CADM2: variants seen among roughly 807,000 people sequenced by gnomAD.
CADM2 encodes the protein cell adhesion molecule 2.
In CADM2, 12 loss-of-function variants were observed where a neutral mutation model predicts 49.8. That is an observed-to-expected ratio of 0.24 (90% CI 0.15 to 0.39). The LOEUF (loss-of-function observed/expected upper bound fraction) is 0.39. Ranked by LOEUF, CADM2 falls within the 10% of genes least tolerant of loss-of-function variation. The pLI, the probability that CADM2 is intolerant of heterozygous loss-of-function variation, is 1.00. For missense variants in CADM2, 378 were observed against 492.3 expected (o/e 0.77, Z 2.20); for synonymous variants, 214 against 175.4 (o/e 1.22, Z -1.74).
intron 1 of CADM2, among the ~76,000 whole-genome samples, chr3:85,542,901 A>G (rs1055081502): frequency 3.3e-5 from 5 of 152,232 alleles, no homozygotes; most frequent in African/African-American, 1.2e-4. Context: ...AAATCATTCA[A>G]CTATTTAAGA....
intron 1 of CADM2, among the ~76,000 whole-genome samples, chr3:85,122,145 T>A (rs2038886522): frequency 6.6e-6 from 1 of 152,140 alleles, no homozygotes; most frequent in South Asian, 2.1e-4. Context: ...CTACTGTTTT[T>A]CATTCCCAAG....
chr3:85,556,465 G>A (rs987868747), intron 1 of CADM2, among the ~76,000 whole-genome samples: 4 of 152,044 alleles, frequency 2.6e-5, no homozygotes, highest in South Asian at 4.1e-4. Flanking sequence ...AAACTACACT[G>A]TAATCTTCAA....
intron 3 of CADM2, among the ~76,000 whole-genome samples, chr3:85,828,472 A>G (rs1559686403): frequency 6.6e-6 from 1 of 151,984 alleles, no homozygotes; most frequent in East Asian, 1.9e-4. Flanking sequence ...TATAATTTTC[A>G]ATGACACATA....
intron 1 of CADM2, among the ~76,000 whole-genome samples, chr3:85,589,527 T>C (rs2063045883): frequency 6.6e-6 from 1 of 152,008 alleles, no homozygotes; most frequent in Admixed American, 6.6e-5. Context: ...TTCATTAGTA[T>C]CCTGTAGGCT....
intron 1 of CADM2, among the ~76,000 whole-genome samples, chr3:85,640,956 A>G (rs1227163914): frequency 2.6e-5 from 4 of 152,144 alleles, no homozygotes; most frequent in East Asian, 1.9e-4. Context: ...TCTATACCTT[A>G]TTATGCTCAC....
At chr3:85,602,674 C>T (rs1390829871) in intron 1 of CADM2, among the ~76,000 whole-genome samples, 2 of 151,676 alleles carry the variant, frequency 1.3e-5, no homozygotes, top group Non-Finnish European at 2.9e-5. Context: ...CCCACTTAAT[C>T]TAAGTTCAAA....
At position 85,307,092 on chromosome 3, in the gene CADM2, G is replaced by A. The variant is rs550963863; in HGVS notation, c.61+347424G>A. 1.4e-3 allele frequency among the ~76,000 whole-genome samples: 206 copies of A among 151,428 alleles called. 2 individuals carry two copies. The highest frequency in any genetic ancestry group is 4.6e-3 in the African/African-American group (189 of 41,404). ...ATATTTATAGAAGATTTTAGTTCAC[G>A]TATCAATTTGAGATTATCATTATGT... On this transcript the variant is annotated intron_variant, in intron 1 of 9. Transcript: ENST00000383699.
intron 3 of CADM2, among the ~76,000 whole-genome samples, chr3:85,823,034 A>G (rs1465996792): frequency 6.6e-6 from 1 of 152,176 alleles, no homozygotes; most frequent in Non-Finnish European, 1.5e-5. Flanking sequence ...GATACCAAAT[A>G]TATAAGATAA....
intron 1 of CADM2, among the ~76,000 whole-genome samples, chr3:85,504,946 G>A (rs12495698): frequency 0.08 from 12,183 of 152,112 alleles, 943 homozygotes; most frequent in African/African-American, 0.18. Context: ...GCCCGGGGCC[G>A]GCAGGGCCGG....
At chr3:85,556,781 G>A (rs1323779280) in intron 1 of CADM2, among the ~76,000 whole-genome samples, 1 of 152,050 alleles carries the variant, frequency 6.6e-6, no homozygotes, top group Non-Finnish European at 1.5e-5. Context: ...TCCTTTGCAT[G>A]CTTAGGCAAC....
In CADM2 at chr3:84,984,356, T is replaced by TAAAAAAA. The variant is rs375702349; in HGVS notation, c.61+24711_61+24717dup. Among the ~76,000 whole-genome samples the TAAAAAAA allele has an allele frequency of 2.3e-3, 154 of 67,052 alleles. 13 individuals are homozygous for TAAAAAAA. The highest frequency in any genetic ancestry group is 3.1e-3 in the African/African-American group (41 of 13,326). 44.0% of individuals were successfully genotyped at this position (67,052 alleles called of 152,430 possible). A position where few individuals can be genotyped will look rare whatever the true frequency, so the allele number is the denominator to read the frequency against. On this transcript the variant is annotated intron_variant, in intron 1 of 9. Transcript: ENST00000383699. ...CCTCATAGCCACCTCAAGATTAAGC[T>TAAAAAAA]AAAAAAAAAAAAAAAAAAAAAAAAA...
At chr3:85,082,913 G>A (rs980783417) in intron 1 of CADM2, among the ~76,000 whole-genome samples, 1 of 152,080 alleles carries the variant, frequency 6.6e-6, no homozygotes, top group Non-Finnish European at 1.5e-5. Context: ...GAGTGCATAT[G>A]TCCTGAAGAA....
intron 1 of CADM2, among the ~76,000 whole-genome samples, chr3:84,964,361 A>G (rs538970150): frequency 1.3e-5 from 2 of 152,360 alleles, no homozygotes; most frequent in African/African-American, 2.4e-5. Flanking sequence ...AGTCTGTGGT[A>G]TATCAATGAT....
intron 1 of CADM2, among the ~76,000 whole-genome samples, chr3:85,693,584 A>AAAG (rs1239500989): frequency 7.0e-6 from 1 of 143,064 alleles, no homozygotes; most frequent in African/African-American, 2.6e-5. Flanking sequence ...AAAAAAAAAA[A>AAAG]GAAAAGAAAA....
At chr3:85,534,956 A>T (rs535903015) in intron 1 of CADM2, among the ~76,000 whole-genome samples, 98 of 152,292 alleles carry the variant, frequency 6.4e-4, no homozygotes, top group African/African-American at 2.3e-3. Context: ...TACAGTGGAT[A>T]GGCCTGACAT....
At chr3:85,001,382 T>C (rs1326673343) in intron 1 of CADM2, among the ~76,000 whole-genome samples, 1 of 152,106 alleles carries the variant, frequency 6.6e-6, no homozygotes, top group East Asian at 1.9e-4. Flanking sequence ...CATCTATCCA[T>C]CCGTCTATCT....
intron 1 of CADM2, among the ~76,000 whole-genome samples, chr3:85,103,107 G>A (rs1316079847): frequency 1.3e-5 from 2 of 152,086 alleles, no homozygotes; most frequent in East Asian, 1.9e-4. Context: ...CAGTGAATAA[G>A]CCTGTGTGAG....
chr3:85,007,382 A>G (rs1333511677), intron 1 of CADM2, among the ~76,000 whole-genome samples: 1 of 152,204 alleles, frequency 6.6e-6, no homozygotes, highest in Non-Finnish European at 1.5e-5. Context: ...AACAGACAAT[A>G]TGCAAACAAA....
intron 3 of CADM2, among the ~76,000 whole-genome samples, chr3:85,861,009 A>T (rs1460087815): frequency 6.6e-6 from 1 of 152,160 alleles, no homozygotes; most frequent in Non-Finnish European, 1.5e-5. Context: ...CACAGAAGTG[A>T]TGGGAAGAAA....
Sources: gnomAD v4.1 joint callset for allele counts (sites outside exome capture counted in the v4.1 genomes callset) on GRCh38, gnomAD v4.1.1 for gene constraint, MANE v1.5 for transcripts, NCBI Gene and HGNC (gene_info 2026-07-23, HGNC 2026-07-21) for gene names.